Variants in ERBB4 observed in about 807,000 individuals in gnomAD.
The protein encoded by ERBB4 is receptor tyrosine-protein kinase erbB-4.
In ERBB4, 42 loss-of-function variants were observed where a neutral mutation model predicts 158.0. That is an observed-to-expected ratio of 0.27 (90% CI 0.21 to 0.34). ERBB4 has a LOEUF of 0.34. Ranked by LOEUF, ERBB4 falls within the 10% of genes least tolerant of loss-of-function variation. The probability of loss-of-function intolerance (pLI) is 1.00; values close to 1 mark genes in which losing one functional copy is unlikely to be tolerated. For synonymous variants in ERBB4, 583 were observed against 558.7 expected (o/e 1.04, Z -0.61); for missense variants, 1,333 against 1,624.1 (o/e 0.82, Z 3.08).
chr2:212,512,643 G>C (rs1161231196), intron 1 of ERBB4, among the ~76,000 whole-genome samples: 3 of 152,046 alleles, frequency 2.0e-5, no homozygotes, highest in African/African-American at 7.2e-5. Context: ...TATTTTACTT[G>C]ATATTTTCCT....
rs187135749 is a variant in ERBB4, at chr2:212,243,625, A to G, written c.83-118722T>C. Among the ~76,000 whole-genome samples, 242 of 152,272 alleles carry G rather than the reference A, an allele frequency of 1.6e-3. 1 individual carries two copies. Among genetic ancestry groups the G allele is most frequent in the African/African-American group, 5.4e-3 (224 of 41,564 alleles). On this transcript the variant is annotated intron_variant, in intron 1 of 27. Transcript: ENST00000342788. ...AGGACTTATATAATAAGAGATACCC[A>G]AAATGTTATAATATTTTCAGGCAAT...
intron 1 of ERBB4, among the ~76,000 whole-genome samples, chr2:212,485,743 G>A (rs1689938080): frequency 6.6e-6 from 1 of 152,114 alleles, no homozygotes; most frequent in Admixed American, 6.6e-5. Context: ...AGCTGTGTAT[G>A]CCGGGAAGTT....
intron 1 of ERBB4, among the ~76,000 whole-genome samples, chr2:212,383,264 C>T (rs1023715725): frequency 1.3e-5 from 2 of 151,428 alleles, no homozygotes; most frequent in Middle Eastern, 3.4e-3. Context: ...CCTACCTACA[C>T]CCTACAATTG....
At chr2:212,478,022 T>A (rs552980400) in intron 1 of ERBB4, among the ~76,000 whole-genome samples, 27 of 152,136 alleles carry the variant, frequency 1.8e-4, no homozygotes, top group Non-Finnish European at 3.2e-4. Flanking sequence ...TAATCTTTAT[T>A]AGAAAGCTTT....
At chr2:212,372,615 G>T (rs2090127332) in intron 1 of ERBB4, among the ~76,000 whole-genome samples, 1 of 152,070 alleles carries the variant, frequency 6.6e-6, no homozygotes, top group African/African-American at 2.4e-5. Flanking sequence ...TGGGTGTGGT[G>T]GTGTGCACCT....
At chr2:212,147,059 T>G (rs537567821) in intron 1 of ERBB4, among the ~76,000 whole-genome samples, 5 of 147,340 alleles carry the variant, frequency 3.4e-5, no homozygotes, top group Non-Finnish European at 7.5e-5. Context: ...GGCAGGATCT[T>G]GGTTCACTGC....
At chr2:211,657,973 T>G (rs1344207583) in intron 15 of ERBB4, 145 bp from the exon 16 acceptor site, 1 of 1,603,860 alleles carries the variant, frequency 6.2e-7, no homozygotes, top group South Asian at 1.1e-5. Flanking sequence ...CGATGCAGTC[T>G]TCAATACTTG....
chr2:212,191,930 AT>A (rs942521208), intron 1 of ERBB4, among the ~76,000 whole-genome samples: 5 of 117,606 alleles, frequency 4.3e-5, no homozygotes, highest in Non-Finnish European at 8.3e-5. Context: ...TATGTTATAT[AT>A]TATATATGAT....
At chr2:212,438,053 G>T (rs74434401) in intron 1 of ERBB4, among the ~76,000 whole-genome samples, 4,961 of 152,048 alleles carry the variant, frequency 0.033, 136 homozygotes, top group South Asian at 0.051. Flanking sequence ...AGAGTGAGTT[G>T]TACATTTATG....
intron 2 of ERBB4, among the ~76,000 whole-genome samples, chr2:212,097,091 C>T (rs2078953536): frequency 6.6e-6 from 1 of 152,080 alleles, no homozygotes; most frequent in African/African-American, 2.4e-5. Context: ...TACAGATAAG[C>T]TACAGTACTA....
At chr2:211,837,720 T>C (rs1235236864) in intron 3 of ERBB4, among the ~76,000 whole-genome samples, 2 of 152,008 alleles carry the variant, frequency 1.3e-5, no homozygotes, top group Non-Finnish European at 2.9e-5. Flanking sequence ...GAATAAAAAA[T>C]ACACATAAAA....
chr2:211,568,961 T>A (rs919006656), intron 19 of ERBB4, among the ~76,000 whole-genome samples: 11 of 152,200 alleles, frequency 7.2e-5, no homozygotes, highest in Non-Finnish European at 1.3e-4. Flanking sequence ...ATGTCTAGAA[T>A]AAATTATAAT....
chr2:211,438,435 G>A (rs2063903135), intron 20 of ERBB4, among the ~76,000 whole-genome samples: 1 of 152,054 alleles, frequency 6.6e-6, no homozygotes, highest in South Asian at 2.1e-4. Context: ...TGTGATTTTG[G>A]TCAATTTATA....
At chr2:212,072,784 T>C (rs1441686967) in intron 2 of ERBB4, among the ~76,000 whole-genome samples, 1 of 151,972 alleles carries the variant, frequency 6.6e-6, no homozygotes. Context: ...GTATTGGAGA[T>C]ACACAGATGA....
intron 7 of ERBB4, among the ~76,000 whole-genome samples, chr2:211,713,956 A>G (rs2073808698): frequency 6.6e-6 from 1 of 152,220 alleles, no homozygotes; most frequent in African/African-American, 2.4e-5. Context: ...GTGTGTCAAT[A>G]GTTCCACTTC....
intron 3 of ERBB4, among the ~76,000 whole-genome samples, chr2:211,841,270 C>T (rs1408286322): frequency 6.6e-6 from 1 of 152,044 alleles, no homozygotes; most frequent in Non-Finnish European, 1.5e-5. Flanking sequence ...AAGGATTTCT[C>T]TGAGTAATTG....
intron 3 of ERBB4, among the ~76,000 whole-genome samples, chr2:211,850,463 G>T (rs1230458836): frequency 6.6e-6 from 1 of 151,714 alleles, no homozygotes; most frequent in African/African-American, 2.4e-5. Flanking sequence ...ATACAGTCAA[G>T]CAGAGAACAA....
intron 5 of ERBB4, among the ~76,000 whole-genome samples, chr2:211,735,101 C>A (rs945521631): frequency 2.0e-5 from 3 of 151,800 alleles, no homozygotes; most frequent in Admixed American, 6.6e-5. Context: ...AATACACACA[C>A]ATATACCAAA....
At chr2:211,599,439 G>A (rs764478499) in intron 19 of ERBB4, among the ~76,000 whole-genome samples, 4 of 151,520 alleles carry the variant, frequency 2.6e-5, no homozygotes, top group East Asian at 1.9e-4. Flanking sequence ...AACTGGTCAC[G>A]CTAATTTCAA....
Sources: allele counts gnomAD v4.1 joint callset (sites outside exome capture counted in the v4.1 genomes callset), GRCh38; gene constraint gnomAD v4.1.1; transcripts MANE v1.5; gene names NCBI Gene and HGNC (gene_info 2026-07-23, HGNC 2026-07-21).